Variants in SPOP observed in about 807,000 individuals in gnomAD.
SPOP encodes the protein speckle-type POZ protein.
A neutral mutation model predicts 45.6 loss-of-function variants in SPOP; 11 were observed. That is an observed-to-expected ratio of 0.24 (90% CI 0.15 to 0.40). The LOEUF (loss-of-function observed/expected upper bound fraction) is 0.40. Ranked by LOEUF, SPOP falls within the 10% of genes least tolerant of loss-of-function variation. The pLI, the probability that SPOP is intolerant of heterozygous loss-of-function variation, is 1.00. For synonymous variants in SPOP, 166 were observed against 166.3 expected, an observed-to-expected ratio of 1.00 and a Z score of 0.01; for missense variants, 152 against 465.6, an observed-to-expected ratio of 0.33 and a Z score of 6.20.
rs938699740 is a variant in SPOP at position 49,599,812 on chromosome 17, C to T, written c.*566G>A. The T allele has an allele frequency of 4.8e-6, 1 of 210,410 alleles. No individual in the cohort carries two copies. Among genetic ancestry groups the T allele is most frequent in the African/African-American group, 2.3e-5 (1 of 44,058 alleles). The allele number at this position is 210,410 out of a possible 1,614,324, so 13.0% of individuals were successfully genotyped here. On this transcript the variant is annotated 3_prime_UTR_variant, in exon 10 of 10. Transcript: ENST00000504102. ...TCTTGCAAACAATAAGTGCTAACAA[C>T]AAGAGAGCTCTTCTGATGCTTGTAT...
intron 1 of SPOP, among the ~76,000 whole-genome samples, chr17:49,629,984 C>T (rs779554575): frequency 2.6e-5 from 4 of 152,148 alleles, no homozygotes; most frequent in Non-Finnish European, 4.4e-5. Flanking sequence ...ACATAATACA[C>T]AGCATGTACA....
At chr17:49,666,245 T>C (rs1271908732) in intron 1 of SPOP, among the ~76,000 whole-genome samples, 1 of 151,700 alleles carries the variant, frequency 6.6e-6, no homozygotes, top group Non-Finnish European at 1.5e-5. Flanking sequence ...CACTAGATTA[T>C]CCTTATGGAA....
chr17:49,618,970 C>T lies in SPOP; in HGVS notation c.480+11G>A, dbSNP rs2072150677. ...GGGAACTGCTAGTCTCAGCAGAATACAAGGACTCACCTCGCAGAAGAGGGT... is the reference window on the plus strand; with the variant it reads ...GGGAACTGCTAGTCTCAGCAGAATATAAGGACTCACCTCGCAGAAGAGGGT... On this transcript the variant is annotated intron_variant, in intron 5 of 9. Transcript: ENST00000504102. The T allele has an allele frequency of 6.2e-7, 1 of 1,610,946 alleles. No homozygotes were observed. The highest frequency in any genetic ancestry group is 1.1e-5 in the South Asian group (1 of 90,826).
chr17:49,672,781 T>C (rs2073152475), intron 1 of SPOP, among the ~76,000 whole-genome samples: 1 of 152,026 alleles, frequency 6.6e-6, no homozygotes, highest in African/African-American at 2.4e-5. Flanking sequence ...ACCCCGTCTC[T>C]ACTAAAAATG....
rs112880999 is a variant in SPOP at position 49,599,506 on chromosome 17, G to GTT, written c.*870_*871dup. Reference sequence around the variant, plus strand: ...CTTTTGTTCTGTTTTTGTTTTGTGTGTTTTTTTTTTTGTTTGTTTTTTAGA... The same window carrying GTT: ...CTTTTGTTCTGTTTTTGTTTTGTGTGTTTTTTTTTTTTTGTTTGTTTTTTAGA... On this transcript the variant is annotated 3_prime_UTR_variant, in exon 10 of 10. Transcript: ENST00000504102. 0.082 allele frequency: 15,005 copies of GTT among 182,758 alleles called. 465 individuals are homozygous for GTT. The highest frequency in any genetic ancestry group is 0.16 in the East Asian group (1,762 of 10,964). 11.3% of individuals were successfully genotyped at this position (182,758 alleles called of 1,614,324 possible). A position where few individuals can be genotyped will look rare whatever the true frequency, so the allele number is the denominator to read the frequency against.
chr17:49,673,544 ATAAAG>A (rs780027553), intron 1 of SPOP, among the ~76,000 whole-genome samples: 5 of 152,166 alleles, frequency 3.3e-5, no homozygotes, highest in African/African-American at 9.7e-5. Flanking sequence ...ATGCATATAC[ATAAAG>A]TAAATATAGC....
rs554452765 is a variant in SPOP at position 49,616,900 on chromosome 17, G to T, written c.480+2081C>A. On this transcript the variant is annotated intron_variant, in intron 5 of 9. Coordinates refer to ENST00000504102, the MANE Select transcript of SPOP (RefSeq NM_001007228.2). ...CATCTCACTTCCCATCTAAGTCAAGGCACATCTAAACTTAACCACAGGATT... is the reference window on the plus strand; with the variant it reads ...CATCTCACTTCCCATCTAAGTCAAGTCACATCTAAACTTAACCACAGGATT... Among the ~76,000 whole-genome samples the T allele has an allele frequency of 4.6e-5, 7 of 152,330 alleles. No homozygotes were observed. In the South Asian group the frequency reaches 1.4e-3, roughly 32 times the overall value.
At chr17:49,601,693 AC>A in intron 9 of SPOP, 171 bp downstream of exon 9, 1 of 749,896 alleles carries the variant, frequency 1.3e-6, no homozygotes, top group Non-Finnish European at 2.1e-6. Flanking sequence ...ATAGGATTCA[AC>A]CCATGAAGTC....
At chr17:49,665,897 T>G (rs1183202407) in intron 1 of SPOP, among the ~76,000 whole-genome samples, 1 of 151,124 alleles carries the variant, frequency 6.6e-6, no homozygotes, top group South Asian at 2.1e-4. Context: ...GGCAGGAGAA[T>G]TGCCTGAACC....
Position 49,600,399 on chromosome 17 carries a change from G to T in SPOP, c.1104C>A (p.Arg368=), listed in dbSNP as rs776052725. 3.1e-6 allele frequency: 5 copies of T among 1,614,142 alleles called. No individual in the cohort carries two copies. In the Admixed American group the frequency reaches 8.3e-5, roughly 27 times the overall value. ...SAQCPFLGPP[R]KRLKQS Reference sequence around the variant, plus strand: ...GATCTTAGGATTGCTTCAGGCGTTTGCGTGGGGGTCCCAGAAAAGGGCACT... The same window carrying T: ...GATCTTAGGATTGCTTCAGGCGTTTTCGTGGGGGTCCCAGAAAAGGGCACT... The change falls in exon 10 of 10, where the codon CGC becomes CGA. Residue 368 remains arginine, a synonymous_variant. Coordinates refer to ENST00000504102, the MANE Select transcript of SPOP (RefSeq NM_001007228.2). The surrounding 1 kb of genome is among the most constrained non-coding windows in gnomAD (Gnocchi z 4.2).
chr17:49,644,460 AGAAG>A, intron 1 of SPOP, among the ~76,000 whole-genome samples: 1 of 152,354 alleles, frequency 6.6e-6, no homozygotes, highest in East Asian at 1.9e-4. Context: ...AAAGAAGAGG[AGAAG>A]GAAGAAGAAG....
At position 49,600,199 on chromosome 17, in the gene SPOP, T is replaced by TC; in HGVS notation, c.*178dup. The TC allele has an allele frequency of 1.3e-6, 1 of 791,492 alleles. No homozygotes were observed. Among genetic ancestry groups the TC allele is most frequent in the Non-Finnish European group, 2.0e-6 (1 of 490,592 alleles). The allele number at this position is 791,492 out of a possible 1,614,324, so 49.0% of individuals were successfully genotyped here. On this transcript the variant is annotated 3_prime_UTR_variant, in exon 10 of 10. Transcript: ENST00000504102. The surrounding 1 kb of genome is among the most constrained non-coding windows in gnomAD (Gnocchi z 4.2). The stretch of plus-strand genomic sequence containing the variant: ...AACAGGGTTTTCATTTCATTTTCCC[T>TC]CCCCCCGTTTCCCCCAAGTTATTTA...
intron 1 of SPOP, among the ~76,000 whole-genome samples, chr17:49,637,658 A>C (rs1443873949): frequency 6.6e-6 from 1 of 152,084 alleles, no homozygotes; most frequent in East Asian, 1.9e-4. Context: ...GCCCCAAGCT[A>C]GTTCTTCTAA....
chr17:49,675,759 C>G (rs1292154004), intron 1 of SPOP: 2 of 152,172 alleles, frequency 1.3e-5, no homozygotes, highest in Admixed American at 1.3e-4. Flanking sequence ...GTGGCTCGCA[C>G]CTGTAATCCC....
intron 1 of SPOP, among the ~76,000 whole-genome samples, chr17:49,652,109 A>G (rs1035365603): frequency 6.6e-6 from 1 of 152,220 alleles, no homozygotes; most frequent in Non-Finnish European, 1.5e-5. Context: ...TCCAAAATCC[A>G]AAACTTTTTA....
chr17:49,655,762 C>A (rs1171814787), intron 1 of SPOP, among the ~76,000 whole-genome samples: 1 of 152,132 alleles, frequency 6.6e-6, no homozygotes, highest in Non-Finnish European at 1.5e-5. Context: ...CTCTCGATCT[C>A]ACAGCATATT....
intron 1 of SPOP, chr17:49,636,644 G>C (rs534284217): frequency 2.5e-4 from 38 of 152,224 alleles, no homozygotes; most frequent in African/African-American, 9.1e-4. Flanking sequence ...TGAAACAGTA[G>C]ATTGTACTCA....
chr17:49,653,418 A>C, intron 1 of SPOP, among the ~76,000 whole-genome samples: 1 of 152,036 alleles, frequency 6.6e-6, no homozygotes, highest in East Asian at 1.9e-4. Context: ...GCATATATAT[A>C]TATAAAATAC....
chr17:49,633,772 T>C (rs1480853408), intron 1 of SPOP, among the ~76,000 whole-genome samples: 1 of 152,128 alleles, frequency 6.6e-6, no homozygotes, highest in African/African-American at 2.4e-5. Flanking sequence ...CCCTGGACCT[T>C]AAAAAGACTT....
Sources: allele counts gnomAD v4.1 joint callset (sites outside exome capture counted in the v4.1 genomes callset), GRCh38; gene constraint gnomAD v4.1.1; non-coding constraint Gnocchi (gnomAD v3.1); transcripts MANE v1.5; gene names NCBI Gene and HGNC (gene_info 2026-07-23, HGNC 2026-07-21).